Variants in TGDS observed in about 807,000 individuals in gnomAD.
TGDS encodes the protein UDP-D-glucose 4,6-dehydratase.
Under a neutral mutation model 52.3 loss-of-function variants are expected in TGDS, and 47 were observed. The observed-to-expected ratio is 0.90, with a 90% confidence interval of 0.71 to 1.15. The LOEUF (loss-of-function observed/expected upper bound fraction) is 1.15. Among genes scored for constraint, TGDS ranks in the 50% most tolerant of loss-of-function variants. TGDS has a pLI of 0.00. For missense variants in TGDS, 375 were observed against 418.4 expected (o/e 0.90, Z 0.90); for synonymous variants, 115 against 136.9 (o/e 0.84, Z 1.12).
At chr13:94,592,332 G>A in intron 2 of TGDS, 23 bp from the exon 3 acceptor site, 1 of 1,570,952 alleles carries the variant, frequency 6.4e-7, no homozygotes, top group East Asian at 2.3e-5. Flanking sequence ...GAGCACAGAA[G>A]GGGCAACACA....
chr13:94,580,025 A>G, intron 6 of TGDS, 72 bp from the exon 7 acceptor site: 1 of 988,100 alleles, frequency 1.0e-6, no homozygotes, highest in Non-Finnish European at 1.5e-6. Flanking sequence ...GATAAGCAGA[A>G]TTTCAAAATA....
intron 2 of TGDS, among the ~76,000 whole-genome samples, chr13:94,592,614 C>A (rs933443241): frequency 6.6e-6 from 1 of 151,780 alleles, no homozygotes; most frequent in African/African-American, 2.4e-5. Context: ...CACCATGGAC[C>A]GGCTAATTTT....
intron 4 of TGDS, among the ~76,000 whole-genome samples, chr13:94,588,382 C>G (rs1644858404): frequency 8.2e-6 from 1 of 122,392 alleles, no homozygotes; most frequent in Non-Finnish European, 1.6e-5. Context: ...GAGATCATGC[C>G]ATTGCACTCC....
chr13:94,579,657 T>G, intron 7 of TGDS: 1 of 376,348 alleles, frequency 2.7e-6, no homozygotes, highest in South Asian at 5.1e-5. Flanking sequence ...TCATTGGATC[T>G]TTCAAAATCC....
chr13:94,577,050 C>T (rs1215414979), intron 10 of TGDS, among the ~76,000 whole-genome samples: 9 of 150,356 alleles, frequency 6.0e-5, no homozygotes, highest in African/African-American at 2.2e-4. Flanking sequence ...TGCAGTGAGC[C>T]GAGATTGCGC....
rs1306116133 is a variant in TGDS, at chr13:94,596,069, G to C, written c.68C>G (p.Thr23Ser). Residue 23 changes from threonine (T) to serine (S), a missense_variant, in exon 1 of 12, where the codon ACC (threonine) becomes AGC (serine). Coordinates refer to ENST00000261296, the MANE Select transcript of TGDS (RefSeq NM_014305.4). ...TACCTACATGAAACCAGCACCGCCGGTCACCAGGACCCGCTTCGCAAAGCC... is the reference window on the plus strand; with the variant it reads ...TACCTACATGAAACCAGCACCGCCGCTCACCAGGACCCGCTTCGCAAAGCC... ...PGGFAKRVLV[T>S]GGAGFIASHM... 1 of 1,613,980 alleles carries C rather than the reference G, an allele frequency of 6.2e-7. No individual in the cohort carries two copies. The highest frequency in any genetic ancestry group is 2.2e-5 in the East Asian group (1 of 44,880).
chr13:94,579,677 G>A (rs1016006442), intron 7 of TGDS: 9 of 415,768 alleles, frequency 2.2e-5, no homozygotes, highest in Non-Finnish European at 4.3e-6. Context: ...CCTGCTAAGT[G>A]GTGAAGCCAG....
chr13:94,574,307 T>C lies in TGDS; in HGVS notation c.*475A>G, dbSNP rs1238839776. ...TTATCAATTTAAAAAGTGTTAGATA[T>C]GCTTCTATTTTGTTCCATTATTAAG... On this transcript the variant is annotated 3_prime_UTR_variant, in exon 12 of 12. Coordinates refer to ENST00000261296, the MANE Select transcript of TGDS (RefSeq NM_014305.4). 2.6e-5 allele frequency: 4 copies of C among 152,448 alleles called. No homozygotes were observed. The highest frequency in any genetic ancestry group is 1.9e-4 in the East Asian group (1 of 5,202). 9.4% of individuals were successfully genotyped at this position (152,448 alleles called of 1,614,324 possible).
chr13:94,574,815 A>G lies in TGDS; in HGVS notation c.1020T>C (p.Asn340=). 1 of 1,607,630 alleles carries G rather than the reference A, an allele frequency of 6.2e-7. No individual in the cohort carries two copies. Among genetic ancestry groups the G allele is most frequent in the Non-Finnish European group, 8.5e-7 (1 of 1,175,096 alleles). Residue 340 remains asparagine, a synonymous_variant, in exon 12 of 12, where the codon AAT becomes AAC. Coordinates refer to ENST00000261296, the MANE Select transcript of TGDS (RefSeq NM_014305.4). ...GAAAGGGTTCTAATGCCTTTTCCAC[A>G]TTCTTCCAGTTGTGAAAATTCTCTC... ...WYRENFHNWK[N]VEKALEPFPV is the part of the protein sequence containing the mutation.
In TGDS at chr13:94,587,247, T is replaced by C. The variant is rs1889023746; in HGVS notation, c.313+3606A>G. On this transcript the variant is annotated intron_variant, in intron 4 of 11. Transcript: ENST00000261296. ...GAATAGAAAGTAAGCCTAAACAAAG[T>C]AGAAATAATGAAATAATAAAGGTAA... Among the ~76,000 whole-genome samples the C allele has an allele frequency of 2.0e-5, 3 of 151,914 alleles. No individual in the cohort carries two copies. In the South Asian group the frequency reaches 6.2e-4, roughly 32 times the overall value.
chr13:94,583,017 A>G, intron 5 of TGDS, 77 bp downstream of exon 5: 1 of 1,499,374 alleles, frequency 6.7e-7, no homozygotes, highest in Non-Finnish European at 9.0e-7. Flanking sequence ...GAGGATGAAA[A>G]AAGCCCAGTG....
rs1427469077 is a variant in TGDS, at chr13:94,583,251, T to G, written c.314-15A>C. ...GAATGAAAGATCTAAAAGAAAAGAG[T>G]GAAAAGCTAAAACAAGTCTACCCAA... On this transcript the variant is annotated splice_polypyrimidine_tract_variant and intron_variant, in intron 4 of 11. Coordinates refer to ENST00000261296, the MANE Select transcript of TGDS (RefSeq NM_014305.4). The G allele has an allele frequency of 6.2e-7, 1 of 1,608,620 alleles. No homozygotes were observed. Among genetic ancestry groups the G allele is most frequent in the South Asian group, 1.1e-5 (1 of 90,182 alleles).
At chr13:94,591,702 A>G (rs1889208142) in intron 3 of TGDS, among the ~76,000 whole-genome samples, 1 of 152,234 alleles carries the variant, frequency 6.6e-6, no homozygotes, top group African/African-American at 2.4e-5. Flanking sequence ...TATTCTAAAA[A>G]TATGTATTCT....
chr13:94,590,782 A>G, intron 4 of TGDS, 71 bp downstream of exon 4: 1 of 1,208,970 alleles, frequency 8.3e-7, no homozygotes, highest in South Asian at 1.6e-5. Flanking sequence ...CCTCTTTCAA[A>G]TATAAGTATT....
At chr13:94,577,117 G>A (rs1325540600) in intron 10 of TGDS, among the ~76,000 whole-genome samples, 7 of 150,148 alleles carry the variant, frequency 4.7e-5, no homozygotes, top group Admixed American at 3.3e-4. Flanking sequence ...AAAAAAAAAA[G>A]ATGTTATTAT....
chr13:94,583,439 C>T (rs1888872634), intron 4 of TGDS, among the ~76,000 whole-genome samples: 1 of 151,904 alleles, frequency 6.6e-6, no homozygotes, highest in African/African-American at 2.4e-5. Flanking sequence ...ATTCTCAGAA[C>T]CCAGAAAACT....
chr13:94,583,271 A>C (rs1888865654), intron 4 of TGDS, 35 bp from the exon 5 acceptor site: 2 of 1,598,828 alleles, frequency 1.3e-6, no homozygotes, highest in African/African-American at 2.7e-5. Flanking sequence ...AAACAAGTCT[A>C]CCCAACGGAT....
At chr13:94,583,991 G>C (rs1005168929) in intron 4 of TGDS, among the ~76,000 whole-genome samples, 3 of 152,164 alleles carry the variant, frequency 2.0e-5, no homozygotes, top group African/African-American at 7.2e-5. Flanking sequence ...TAAAAACTCA[G>C]AGATACCACT....
Position 94,574,162 on chromosome 13 carries a change from C to A in TGDS, c.*620G>T, listed in dbSNP as rs983953604. 1.3e-5 allele frequency: 2 copies of A among 152,038 alleles called. No individual in the cohort carries two copies. Among genetic ancestry groups the A allele is most frequent in the African/African-American group, 2.4e-5 (1 of 41,400 alleles). 9.4% of individuals were successfully genotyped at this position (152,038 alleles called of 1,614,324 possible). On this transcript the variant is annotated 3_prime_UTR_variant, in exon 12 of 12. Coordinates refer to ENST00000261296, the MANE Select transcript of TGDS (RefSeq NM_014305.4). ...ATATTGACAATTTTATAAATACAAT[C>A]ATTTTAAACAGTAAACATGATAAAT...
Sources: gnomAD v4.1 joint callset for allele counts (sites outside exome capture counted in the v4.1 genomes callset) on GRCh38, gnomAD v4.1.1 for gene constraint, MANE v1.5 for transcripts, NCBI Gene and HGNC (gene_info 2026-07-23, HGNC 2026-07-21) for gene names.